CHGA: variants seen among roughly 807,000 people sequenced by gnomAD.
CHGA encodes the protein chromogranin-A.
Under a neutral mutation model 54.4 loss-of-function variants are expected in CHGA, and 41 were observed. That is an observed-to-expected ratio of 0.75 (90% CI 0.59 to 0.98). The LOEUF (loss-of-function observed/expected upper bound fraction) is 0.98, where lower values mean the gene tolerates loss of function less well. Ranked by LOEUF, CHGA falls within the 50% of genes least tolerant of loss-of-function variation. The probability of loss-of-function intolerance (pLI) is 0.00; values close to 1 mark genes in which losing one functional copy is unlikely to be tolerated. For missense variants in CHGA, 576 were observed against 582.3 expected, an observed-to-expected ratio of 0.99 and a Z score of 0.11; for synonymous variants, 249 against 232.8, an observed-to-expected ratio of 1.07 and a Z score of -0.63.
chr14:92,925,840 C>T lies in CHGA; in HGVS notation c.94-765C>T, dbSNP rs74244718. Among the ~76,000 whole-genome samples, 107 of 152,310 alleles carry T rather than the reference C, an allele frequency of 7.0e-4. 1 individual carries two copies. The East Asian group carries it at 0.013, about 19-fold the overall frequency. On this transcript the variant is annotated intron_variant, in intron 2 of 7. Transcript: ENST00000216492. ...ACTGAGGCTCAGAGAGGTTAAGTCA[C>T]TTCTCCAAGATCACACAGCTAGGAT...
At position 92,931,686 on chromosome 14, in the gene CHGA, G is replaced by C. The variant is rs9658655; in HGVS notation, c.792G>C (p.Glu264Asp). The change falls in exon 6 of 8, where the codon GAG becomes GAC. Residue 264 changes from glutamate (E) to aspartate (D), a missense_variant. Coordinates refer to ENST00000216492, the MANE Select transcript of CHGA (RefSeq NM_001275.4). ...LNPHPSLGYK[E>D]IRKGESRSEA... ...CCCACCCGAGCCTTGGCTACAAGGA[G>C]ATCCGGAAAGGCGAGAGTACGTATG... 162,791 of 1,577,272 alleles carry C rather than the reference G, an allele frequency of 0.1. 10,297 individuals carry two copies. The highest frequency in any genetic ancestry group is 0.25 in the East Asian group (10,923 of 44,352).
Position 92,929,778 on chromosome 14 carries a change from G to A in CHGA, c.318G>A (p.Glu106=). 6.2e-7 allele frequency: 1 copy of A among 1,613,536 alleles called. No individual in the cohort carries two copies. Among genetic ancestry groups the A allele is most frequent in the Non-Finnish European group, 8.5e-7 (1 of 1,180,026 alleles). ...KHSGFEDELS[E]VLENQSSQAE... is the part of the protein sequence containing the mutation. Reference sequence around the variant, plus strand: ...GCGGTTTTGAAGATGAACTCTCAGAGGTTCTTGAGAACCAGAGCAGCCAGG... The same window carrying A: ...GCGGTTTTGAAGATGAACTCTCAGAAGTTCTTGAGAACCAGAGCAGCCAGG... Residue 106 remains glutamate (E), a synonymous_variant, in exon 5 of 8, where the codon GAG becomes GAA. Coordinates refer to ENST00000216492, the MANE Select transcript of CHGA (RefSeq NM_001275.4).
chr14:92,929,601 A>C, intron 4 of CHGA, 116 bp from the exon 5 acceptor site: 9 of 834,674 alleles, frequency 1.1e-5, no homozygotes, highest in Non-Finnish European at 1.8e-5. Context: ...CTCATTGGGC[A>C]GGCCCTGAAC....
chr14:92,931,520 G>A lies in CHGA; in HGVS notation c.626G>A (p.Gly209Asp). ...AEGDSEGLSQ[G>D]LVDREKGLSA... is the part of the protein sequence containing the mutation. ...GGGGACAGTGAGGGCCTCTCTCAGG[G>A]TCTGGTGGACAGAGAGAAGGGCCTG... Residue 209 changes from glycine to aspartate, a missense_variant, in exon 6 of 8, where the codon GGT becomes GAT. Transcript: ENST00000216492. The A allele has an allele frequency of 1.2e-6, 2 of 1,612,850 alleles. No homozygotes were observed. Among genetic ancestry groups the A allele is most frequent in the Non-Finnish European group, 1.7e-6 (2 of 1,179,778 alleles).
chr14:92,931,392 C>T lies in CHGA; in HGVS notation c.498C>T (p.Asn166=), dbSNP rs556109764. The change falls in exon 6 of 8, where the codon AAC becomes AAT. Residue 166 remains asparagine, a synonymous_variant. Transcript: ENST00000216492. Reference sequence around the variant, plus strand: ...TGCAGGAGTCCAAGGCTGAGGGGAACAATCAGGCCCCTGGGGAGGAAGAGG... The same window carrying T: ...TGCAGGAGTCCAAGGCTGAGGGGAATAATCAGGCCCCTGGGGAGGAAGAGG... The part of the protein sequence containing the change: ...EPMQESKAEG[N]NQAPGEEEEE... The T allele has an allele frequency of 6.2e-7, 1 of 1,612,482 alleles. No homozygotes were observed. The highest frequency in any genetic ancestry group is 1.1e-5 in the South Asian group (1 of 90,846).
At position 92,932,255 on chromosome 14, in the gene CHGA, A is replaced by G; in HGVS notation, c.809-115A>G. The G allele has an allele frequency of 7.2e-7, 1 of 1,385,906 alleles. No homozygotes were observed. Among genetic ancestry groups the G allele is most frequent in the South Asian group, 1.5e-5 (1 of 65,720 alleles). 85.9% of individuals were successfully genotyped at this position (1,385,906 alleles called of 1,614,324 possible). On this transcript the variant is annotated intron_variant, in intron 6 of 7. Coordinates refer to ENST00000216492, the MANE Select transcript of CHGA (RefSeq NM_001275.4). The surrounding 1 kb of genome is among the most constrained non-coding windows in gnomAD (Gnocchi z 5.3). The stretch of plus-strand genomic sequence containing the variant: ...AAGAAGGTTTTTCCCGCTAAGCGTC[A>G]TCACTGTGGAGAGGCTGGGCTGTGG...
In CHGA at chr14:92,932,957, G is replaced by C. The variant is rs865820809; in HGVS notation, c.1290+106G>C. 1.4e-6 allele frequency: 2 copies of C among 1,418,536 alleles called. No homozygotes were observed. The highest frequency in any genetic ancestry group is 9.3e-7 in the Non-Finnish European group (1 of 1,078,758). 87.9% of individuals were successfully genotyped at this position (1,418,536 alleles called of 1,614,324 possible). On this transcript the variant is annotated intron_variant, in intron 7 of 7. Coordinates refer to ENST00000216492, the MANE Select transcript of CHGA (RefSeq NM_001275.4). This position sits in a 1 kb window ranked among gnomAD's most constrained non-coding sequence, Gnocchi z 5.3. ...CCCACTGAGGGGACAGGGCCCCCCC[G>C]CCGAAGTCTGGGGATGGAGAGATGC...
At position 92,934,824 on chromosome 14, in the gene CHGA, G is replaced by A. The variant is rs745873520; in HGVS notation, c.1314G>A (p.Ser438=). ...RPEDQELESL[S]AIEAELEKVA... Reference sequence around the variant, plus strand: ...AGGACCAGGAGCTGGAGAGCCTGTCGGCCATTGAAGCAGAGCTGGAGAAAG... The same window carrying A: ...AGGACCAGGAGCTGGAGAGCCTGTCAGCCATTGAAGCAGAGCTGGAGAAAG... The change falls in exon 8 of 8, where the codon TCG becomes TCA. Residue 438 remains serine (S), a synonymous_variant. Transcript: ENST00000216492. 18 of 1,587,392 alleles carry A rather than the reference G, an allele frequency of 1.1e-5. No individual in the cohort carries two copies. In the East Asian group the frequency reaches 1.6e-4, roughly 14 times the overall value.
At position 92,923,306 on chromosome 14, in the gene CHGA, C is replaced by G. The variant is rs752935002; in HGVS notation, c.-54C>G. 8.5e-6 allele frequency: 11 copies of G among 1,293,340 alleles called. No homozygotes were observed. Among genetic ancestry groups the G allele is most frequent in the Middle Eastern group, 2.9e-4 (1 of 3,452 alleles). The allele number at this position is 1,293,340 out of a possible 1,614,324, so 80.1% of individuals were successfully genotyped here. On this transcript the variant is annotated 5_prime_UTR_variant, in exon 1 of 8. Transcript: ENST00000216492. Reference sequence around the variant, plus strand: ...GCCGCCAGTCCAGCCGCCCCTCGCCCGGTGCCTAGGTGCCCGGCCCCACAC... The same window carrying G: ...GCCGCCAGTCCAGCCGCCCCTCGCCGGGTGCCTAGGTGCCCGGCCCCACAC...
chr14:92,930,136 T>C (rs1473677860), intron 5 of CHGA, among the ~76,000 whole-genome samples: 1 of 152,212 alleles, frequency 6.6e-6, no homozygotes, highest in Non-Finnish European at 1.5e-5. Context: ...GTCTACCCAG[T>C]GGCCACTGTA....
At position 92,931,221 on chromosome 14, in the gene CHGA, G is replaced by A. The variant is rs17847011; in HGVS notation, c.356-29G>A. 106 of 1,582,554 alleles carry A rather than the reference G, an allele frequency of 6.7e-5. No homozygotes were observed. The East Asian group carries it at 1.7e-3, about 26-fold the overall frequency. On this transcript the variant is annotated intron_variant, in intron 5 of 7. Transcript: ENST00000216492. ...GCCCCACACGTGGCCCAGTCCTCAGGGCCTGACTTGGCTGTGCTGTGTCTG... is the reference window on the plus strand; with the variant it reads ...GCCCCACACGTGGCCCAGTCCTCAGAGCCTGACTTGGCTGTGCTGTGTCTG...
intron 5 of CHGA, among the ~76,000 whole-genome samples, chr14:92,930,435 G>A (rs1203128063): frequency 6.6e-6 from 1 of 152,220 alleles, no homozygotes; most frequent in Non-Finnish European, 1.5e-5. Flanking sequence ...CTGGATCCTG[G>A]TGTCTCCCAT....
At chr14:92,928,556 T>C (rs2295399) in intron 4 of CHGA, among the ~76,000 whole-genome samples, 10,554 of 152,266 alleles carry the variant, frequency 0.069, 479 homozygotes, top group East Asian at 0.24. Context: ...ATCAGTGACC[T>C]TGGACTAGTG....
Position 92,931,423 on chromosome 14 carries a change from G to C in CHGA, c.529G>C (p.Glu177Gln). ...GGCCCCTGGGGAGGAAGAGGAGGAG[G>C]AGGAGGAGGCCACCAACACCCACCC... ...NQAPGEEEEE[E>Q]EEATNTHPPA... is the part of the protein sequence containing the mutation. Residue 177 changes from glutamate to glutamine, a missense_variant, in exon 6 of 8, where the codon GAG becomes CAG. Coordinates refer to ENST00000216492, the MANE Select transcript of CHGA (RefSeq NM_001275.4). 1 of 1,610,094 alleles carries C rather than the reference G, an allele frequency of 6.2e-7. No homozygotes were observed. Among genetic ancestry groups the C allele is most frequent in the Non-Finnish European group, 8.5e-7 (1 of 1,178,658 alleles).
chr14:92,925,382 G>A (rs180754081), intron 2 of CHGA, among the ~76,000 whole-genome samples: 31 of 152,264 alleles, frequency 2.0e-4, no homozygotes, highest in Admixed American at 1.6e-3. Context: ...GGAGATACAG[G>A]GTACAGGCTG....
At chr14:92,923,951 G>C (rs1886838550) in intron 1 of CHGA, among the ~76,000 whole-genome samples, 1 of 152,150 alleles carries the variant, frequency 6.6e-6, no homozygotes, top group Non-Finnish European at 1.5e-5. Flanking sequence ...CCGCTCCAAA[G>C]CACACCCGCT....
At position 92,934,906 on chromosome 14, in the gene CHGA, C is replaced by T. The variant is rs1054747187; in HGVS notation, c.*22C>T. The T allele has an allele frequency of 1.9e-6, 3 of 1,539,118 alleles. No individual in the cohort carries two copies. In the Admixed American group the frequency reaches 6.2e-5, roughly 32 times the overall value. ...CTGAGACACCGGCTGGCAGGGCTGGCCCCAGGGCACCCTGTGGCCCTGGCT... is the reference window on the plus strand; with the variant it reads ...CTGAGACACCGGCTGGCAGGGCTGGTCCCAGGGCACCCTGTGGCCCTGGCT... On this transcript the variant is annotated 3_prime_UTR_variant, in exon 8 of 8. Coordinates refer to ENST00000216492, the MANE Select transcript of CHGA (RefSeq NM_001275.4).
chr14:92,931,143 C>T (rs1294966389), intron 5 of CHGA, 107 bp from the exon 6 acceptor site: 13 of 1,183,756 alleles, frequency 1.1e-5, no homozygotes, highest in South Asian at 4.7e-5. Flanking sequence ...GGGCTGGGCT[C>T]GCTGGAAGCC....
intron 2 of CHGA, among the ~76,000 whole-genome samples, chr14:92,925,055 T>C (rs912081530): frequency 1.3e-5 from 2 of 152,226 alleles, no homozygotes; most frequent in African/African-American, 2.4e-5. Context: ...ATATTTCCTA[T>C]GTTTTAGTTG....
Sources: allele counts gnomAD v4.1 joint callset (sites outside exome capture counted in the v4.1 genomes callset), GRCh38; gene constraint gnomAD v4.1.1; non-coding constraint Gnocchi (gnomAD v3.1); transcripts MANE v1.5; gene names NCBI Gene and HGNC (gene_info 2026-07-23, HGNC 2026-07-21).